PLCXD3: variants seen among roughly 807,000 people sequenced by gnomAD.
PLCXD3 encodes the protein phosphatidylinositol specific phospholipase C X domain containing 3, also known as PI-PLC X domain-containing protein 3.
A neutral mutation model predicts 25.5 loss-of-function variants in PLCXD3; 19 were observed. The ratio of observed to expected loss-of-function variants is 0.75; its 90% CI spans 0.52 to 1.09. PLCXD3 has a LOEUF of 1.09. PLCXD3 is among the 50% of genes least tolerant of loss of function. The probability of loss-of-function intolerance (pLI) is 0.00; values close to 1 mark genes in which losing one functional copy is unlikely to be tolerated. For synonymous variants in PLCXD3, 174 were observed against 137.6 expected (o/e 1.26, Z -1.85); for missense variants, 411 against 388.1 (o/e 1.06, Z -0.50).
intron 2 of PLCXD3, among the ~76,000 whole-genome samples, chr5:41,320,686 C>T (rs1743442269): frequency 6.6e-6 from 1 of 152,082 alleles, no homozygotes; most frequent in African/African-American, 2.4e-5. Context: ...TTAGTAGAGA[C>T]AGGTTTTCAC....
intron 1 of PLCXD3, among the ~76,000 whole-genome samples, chr5:41,396,608 C>G (rs1253651132): frequency 2.0e-5 from 3 of 152,098 alleles, no homozygotes; most frequent in Non-Finnish European, 4.4e-5. Flanking sequence ...GGGTAATGGG[C>G]TGAGTTTAGA....
At chr5:41,408,395 A>T (rs1394339168) in intron 1 of PLCXD3, among the ~76,000 whole-genome samples, 1 of 152,072 alleles carries the variant, frequency 6.6e-6, no homozygotes, top group Non-Finnish European at 1.5e-5. Flanking sequence ...ACACATACAC[A>T]CATATGCATA....
intron 1 of PLCXD3, among the ~76,000 whole-genome samples, chr5:41,430,891 CCA>C (rs764095749): frequency 7.2e-5 from 11 of 152,244 alleles, no homozygotes; most frequent in Admixed American, 1.3e-4. Flanking sequence ...ACTTCTGTAG[CCA>C]CAGCCCATCA....
chr5:41,380,524 C>T (rs945384039), intron 2 of PLCXD3, among the ~76,000 whole-genome samples: 1 of 152,112 alleles, frequency 6.6e-6, no homozygotes, highest in Admixed American at 6.6e-5. Flanking sequence ...CCATTGCTCA[C>T]AGGATGAGGT....
At chr5:41,504,053 A>G (rs1205785781) in intron 1 of PLCXD3, among the ~76,000 whole-genome samples, 1 of 151,906 alleles carries the variant, frequency 6.6e-6, no homozygotes, top group Admixed American at 6.6e-5. Context: ...CACATCAATT[A>G]GCTACTAATG....
intron 1 of PLCXD3, among the ~76,000 whole-genome samples, chr5:41,465,353 C>CTCTTTTTTTTTT (rs1747991676): frequency 1.5e-4 from 2 of 13,230 alleles, no homozygotes; most frequent in Non-Finnish European, 1.3e-4. Flanking sequence ...TAGTTCTTGT[C>CTCTTTTTTTTTT]TTTTTTTTTT....
At chr5:41,378,810 C>G (rs577262428) in intron 2 of PLCXD3, among the ~76,000 whole-genome samples, 1 of 152,102 alleles carries the variant, frequency 6.6e-6, no homozygotes, top group South Asian at 2.1e-4. Context: ...ACCCACAAAT[C>G]CTACTTTAGT....
At chr5:41,347,989 A>T (rs185202829) in intron 2 of PLCXD3, among the ~76,000 whole-genome samples, 148 of 152,348 alleles carry the variant, frequency 9.7e-4, no homozygotes, top group African/African-American at 3.2e-3. Flanking sequence ...CCAAAACACT[A>T]AGTAAAAATA....
chr5:41,417,808 G>A (rs1350695253), intron 1 of PLCXD3, among the ~76,000 whole-genome samples: 1 of 152,170 alleles, frequency 6.6e-6, no homozygotes, highest in Non-Finnish European at 1.5e-5. Context: ...TCCCAGGAGG[G>A]CAGCCAGAGA....
In PLCXD3 at chr5:41,482,276, A is replaced by G. The variant is rs148060031; in HGVS notation, c.103+28148T>C. ...GGAACACACTCACTGTTTAGTGTGT[A>G]ATTTCTGGATGAATGAGTCCCAAAT... On this transcript the variant is annotated intron_variant, in intron 1 of 2. Coordinates refer to ENST00000377801, the MANE Select transcript of PLCXD3 (RefSeq NM_001005473.3). 5.3e-5 allele frequency among the ~76,000 whole-genome samples: 8 copies of G among 152,248 alleles called. No individual in the cohort carries two copies. In the East Asian group the frequency reaches 1.5e-3, roughly 29 times the overall value.
chr5:41,506,288 G>A (rs1749050434), intron 1 of PLCXD3, among the ~76,000 whole-genome samples: 1 of 152,294 alleles, frequency 6.6e-6, no homozygotes, highest in East Asian at 1.9e-4. Flanking sequence ...CAATAGTCGA[G>A]GATTTGATTC....
chr5:41,465,351 G>GTTTTTTTTTTTTTT (rs1561281536), intron 1 of PLCXD3, among the ~76,000 whole-genome samples: 1 of 7,224 alleles, frequency 1.4e-4, no homozygotes, highest in African/African-American at 6.5e-4. Context: ...ACTAGTTCTT[G>GTTTTTTTTTTTTTT]TCTTTTTTTT....
chr5:41,374,820 G>C (rs1490681024), intron 2 of PLCXD3, among the ~76,000 whole-genome samples: 1 of 152,082 alleles, frequency 6.6e-6, no homozygotes, highest in Admixed American at 6.6e-5. Context: ...GTGCTGACCT[G>C]TCTTGGGACA....
intron 1 of PLCXD3, among the ~76,000 whole-genome samples, chr5:41,417,494 G>A (rs2150505137): frequency 6.6e-6 from 1 of 152,306 alleles, no homozygotes; most frequent in South Asian, 2.1e-4. Context: ...TACCCAGCAA[G>A]GCAAGAAGAT....
intron 2 of PLCXD3, among the ~76,000 whole-genome samples, chr5:41,375,801 T>C (rs544545154): frequency 6.6e-6 from 1 of 152,240 alleles, no homozygotes; most frequent in South Asian, 2.1e-4. Context: ...TGCTAAGCAA[T>C]ATTAATTTTA....
intron 1 of PLCXD3, among the ~76,000 whole-genome samples, chr5:41,480,470 C>T (rs1174505450): frequency 6.7e-6 from 1 of 149,818 alleles, no homozygotes; most frequent in African/African-American, 2.5e-5. Flanking sequence ...CATTTTGCAG[C>T]CAGGGGTTGG....
At chr5:41,470,861 G>A (rs1169408379) in intron 1 of PLCXD3, among the ~76,000 whole-genome samples, 17 of 152,118 alleles carry the variant, frequency 1.1e-4, no homozygotes, top group Admixed American at 9.8e-4. Context: ...CACCTGATCT[G>A]CCGGCAGTGA....
intron 1 of PLCXD3, among the ~76,000 whole-genome samples, chr5:41,398,629 T>C (rs1483090758): frequency 6.6e-6 from 1 of 152,144 alleles, no homozygotes; most frequent in Non-Finnish European, 1.5e-5. Context: ...ATAAAAACTA[T>C]ATGATCATTT....
At chr5:41,346,840 G>T (rs1298173283) in intron 2 of PLCXD3, among the ~76,000 whole-genome samples, 2 of 152,154 alleles carry the variant, frequency 1.3e-5, no homozygotes, top group South Asian at 2.1e-4. Context: ...TTTTTATCAC[G>T]GAATAATGTT....
Sources: allele counts gnomAD v4.1 joint callset (sites outside exome capture counted in the v4.1 genomes callset), GRCh38; gene constraint gnomAD v4.1.1; transcripts MANE v1.5; gene names NCBI Gene and HGNC (gene_info 2026-07-23, HGNC 2026-07-21).